The following SYNGR1 variants were observed in gnomAD, a reference collection of about 807,000 sequenced individuals.
The protein encoded by SYNGR1 is synaptogyrin-1.
SYNGR1 carries 14 observed loss-of-function variants against 26.1 expected under a neutral mutation model. The ratio of observed to expected loss-of-function variants is 0.54; its 90% CI spans 0.35 to 0.84. The LOEUF (loss-of-function observed/expected upper bound fraction) is 0.84. Among genes scored for constraint, SYNGR1 ranks in the 40% least tolerant of loss-of-function variants. The pLI, the probability that SYNGR1 is intolerant of heterozygous loss-of-function variation, is 0.01. For synonymous variants in SYNGR1, 141 were observed against 150.1 expected, an observed-to-expected ratio of 0.94 and a Z score of 0.44; for missense variants, 319 against 332.9, an observed-to-expected ratio of 0.96 and a Z score of 0.33.
chr22:39,382,455 G>A lies in SYNGR1; in HGVS notation c.*541G>A, dbSNP rs751679382. The A allele has an allele frequency of 1.7e-5, 3 of 171,814 alleles. No homozygotes were observed. Among genetic ancestry groups the A allele is most frequent in the Non-Finnish European group, 3.8e-5 (3 of 78,658 alleles). 10.6% of individuals were successfully genotyped at this position (171,814 alleles called of 1,614,324 possible). On this transcript the variant is annotated 3_prime_UTR_variant, in exon 4 of 4. Coordinates refer to ENST00000328933, the MANE Select transcript of SYNGR1 (RefSeq NM_004711.5). ...AGTGTCAGGGCCGTCTCCATTTTAT[G>A]GTTGAGGAAACTGAGGTCTAGAGAG...
intron 3 of SYNGR1, among the ~76,000 whole-genome samples, chr22:39,379,289 C>T (rs1044610743): frequency 6.6e-6 from 1 of 152,214 alleles, no homozygotes; most frequent in African/African-American, 2.4e-5. Context: ...TAAATACCCA[C>T]CTCCCAGAAA....
chr22:39,381,608 T>C, intron 3 of SYNGR1, 88 bp from the exon 4 acceptor site: 1 of 1,372,756 alleles, frequency 7.3e-7, no homozygotes, highest in Non-Finnish European at 1.0e-6. Flanking sequence ...TCCTGTGAAC[T>C]AACCACCACT....
At chr22:39,360,299 C>T (rs1046966255) in intron 1 of SYNGR1, among the ~76,000 whole-genome samples, 4 of 152,156 alleles carry the variant, frequency 2.6e-5, no homozygotes, top group South Asian at 2.1e-4. Flanking sequence ...TGCAAATGTG[C>T]GTGATTCCCC....
rs1925630837 is a variant in SYNGR1, at chr22:39,385,392, T to C, written c.*3478T>C. 6.5e-6 allele frequency: 1 copy of C among 153,036 alleles called. No individual in the cohort carries two copies. The highest frequency in any genetic ancestry group is 2.4e-5 in the African/African-American group (1 of 41,462). The allele number at this position is 153,036 out of a possible 1,614,324, so 9.5% of individuals were successfully genotyped here. A position where few individuals can be genotyped will look rare whatever the true frequency, so the allele number is the denominator to read the frequency against. ...ATATCTGTGTGTGTGTGTGCGTGTG[T>C]GTGCGGTGAAGGGCGGTCCCCATCC... On this transcript the variant is annotated 3_prime_UTR_variant, in exon 4 of 4. Coordinates refer to ENST00000328933, the MANE Select transcript of SYNGR1 (RefSeq NM_004711.5).
At chr22:39,378,237 G>T in intron 3 of SYNGR1, 1 of 1,036,232 alleles carries the variant, frequency 9.7e-7, no homozygotes. Flanking sequence ...ACAAACCCGT[G>T]CACCTCTCTC....
intron 1 of SYNGR1, among the ~76,000 whole-genome samples, chr22:39,359,047 G>C (rs1190249972): frequency 1.3e-5 from 2 of 152,224 alleles, no homozygotes; most frequent in Non-Finnish European, 2.9e-5. Context: ...GGGGGCAAGA[G>C]TCCCTGAGCC....
intron 1 of SYNGR1, chr22:39,364,200 G>A (rs2145616926): frequency 6.2e-7 from 1 of 1,613,326 alleles, no homozygotes; most frequent in Non-Finnish European, 8.5e-7. Flanking sequence ...GTCTCATGTT[G>A]ACCTTAGAGT....
chr22:39,365,675 C>G (rs5750801), intron 1 of SYNGR1, among the ~76,000 whole-genome samples: 1 of 152,158 alleles, frequency 6.6e-6, no homozygotes. Context: ...GGGACTGCTT[C>G]TGTATCCTCA....
intron 3 of SYNGR1, chr22:39,377,149 C>T: frequency 6.7e-7 from 1 of 1,483,686 alleles, no homozygotes; most frequent in Admixed American, 2.5e-5. Flanking sequence ...TACATACAGG[C>T]CGCCAGCCGT....
At chr22:39,362,546 C>A (rs1924530798) in intron 1 of SYNGR1, among the ~76,000 whole-genome samples, 1 of 152,152 alleles carries the variant, frequency 6.6e-6, no homozygotes, top group Admixed American at 6.5e-5. Flanking sequence ...ATTTTCCTCA[C>A]TTGACCCTGG....
intron 1 of SYNGR1, among the ~76,000 whole-genome samples, chr22:39,365,988 CT>C (rs777416803): frequency 0.02 from 1,338 of 68,348 alleles, 8 homozygotes; most frequent in African/African-American, 0.065. Flanking sequence ...TCAGCCCCTT[CT>C]TTTTTTTTTT....
chr22:39,375,802 G>GGCCCTGACCCT, intron 2 of SYNGR1: 1 of 623,494 alleles, frequency 1.6e-6, no homozygotes, highest in Non-Finnish European at 2.9e-6. Context: ...TCCTCTGACT[G>GGCCCTGACCCT]GCCCTGACCC....
At chr22:39,378,138 T>C (rs1347676745) in intron 3 of SYNGR1, 9 of 1,150,868 alleles carry the variant, frequency 7.8e-6, no homozygotes, top group Non-Finnish European at 9.7e-6. Flanking sequence ...GTGTGAAGAG[T>C]GACCTCACTG....
Position 39,367,839 on chromosome 22 carries a change from A to G in SYNGR1, c.100-6477A>G, listed in dbSNP as rs567032967. ...CCCTGTCTCAAAAAAAAAAAAAAAA[A>G]AAACAAAGTCCCCACCACAGCAGCT... On this transcript the variant is annotated intron_variant, in intron 1 of 3. Coordinates refer to ENST00000328933, the MANE Select transcript of SYNGR1 (RefSeq NM_004711.5). Among the ~76,000 whole-genome samples, 330 of 151,716 alleles carry G rather than the reference A, an allele frequency of 2.2e-3. 1 individual carries two copies. Among genetic ancestry groups the G allele is most frequent in the Middle Eastern group, 0.014 (4 of 294 alleles).
intron 3 of SYNGR1, 96 bp from the exon 4 acceptor site, chr22:39,381,600 C>A: frequency 1.6e-6 from 2 of 1,280,876 alleles, no homozygotes; most frequent in Non-Finnish European, 1.1e-6. Flanking sequence ...TGCCTGTGTC[C>A]TGTGAACTAA....
At chr22:39,379,315 A>C (rs1273056756) in intron 3 of SYNGR1, among the ~76,000 whole-genome samples, 1 of 152,146 alleles carries the variant, frequency 6.6e-6, no homozygotes, top group Non-Finnish European at 1.5e-5. Context: ...TCCCCTCAGA[A>C]CTTTGGTCAA....
chr22:39,352,259 C>G (rs1467602338), intron 1 of SYNGR1, among the ~76,000 whole-genome samples: 3 of 152,228 alleles, frequency 2.0e-5, no homozygotes, highest in East Asian at 1.9e-4. Flanking sequence ...CCTGCTCACA[C>G]ACGTGGATAC....
At position 39,385,172 on chromosome 22, in the gene SYNGR1, C is replaced by T. The variant is rs1000381981; in HGVS notation, c.*3258C>T. On this transcript the variant is annotated 3_prime_UTR_variant, in exon 4 of 4. Transcript: ENST00000328933. ...TCTAAGGAGCACGAAAGGGGGAATG[C>T]CCCTCCCAGGAGTTTATGGGAGAAG... 5 of 395,760 alleles carry T rather than the reference C, an allele frequency of 1.3e-5. No homozygotes were observed. The highest frequency in any genetic ancestry group is 2.1e-5 in the African/African-American group (1 of 48,574). 24.5% of individuals were successfully genotyped at this position (395,760 alleles called of 1,614,324 possible). A position where few individuals can be genotyped will look rare whatever the true frequency, so the allele number is the denominator to read the frequency against.
At chr22:39,354,770 C>T (rs373919183) in intron 1 of SYNGR1, among the ~76,000 whole-genome samples, 3 of 151,026 alleles carry the variant, frequency 2.0e-5, no homozygotes, top group East Asian at 3.9e-4. Flanking sequence ...ACCCGGGAGG[C>T]GGAGGTTGCA....
Sources: gnomAD v4.1 joint callset for allele counts (sites outside exome capture counted in the v4.1 genomes callset) on GRCh38, gnomAD v4.1.1 for gene constraint, MANE v1.5 for transcripts, NCBI Gene and HGNC (gene_info 2026-07-23, HGNC 2026-07-21) for gene names.